SLC24A2: variants seen among roughly 807,000 people sequenced by gnomAD.
The protein encoded by SLC24A2 is sodium/potassium/calcium exchanger 2.
In SLC24A2, 36 loss-of-function variants were observed where a neutral mutation model predicts 62.0. The observed-to-expected ratio is 0.58, with a 90% CI of 0.44 to 0.77. The LOEUF (loss-of-function observed/expected upper bound fraction) is 0.77. Ranked by LOEUF, SLC24A2 falls within the 30% of genes least tolerant of loss-of-function variation. SLC24A2 has a pLI of 0.00. For synonymous variants in SLC24A2, 358 were observed against 294.0 expected (o/e 1.22, Z -2.23); for missense variants, 846 against 817.9 (o/e 1.03, Z -0.42).
chr9:19,801,376 C>T, the SLC24A2 span, among the ~76,000 whole-genome samples: 1 of 152,150 alleles, frequency 6.6e-6, no homozygotes, highest in African/African-American at 2.4e-5. Flanking sequence ...CAGCAGACAC[C>T]CTGCTGGATG....
chr9:20,118,371 C>T, the SLC24A2 span, among the ~76,000 whole-genome samples: 2 of 151,966 alleles, frequency 1.3e-5, no homozygotes, highest in Non-Finnish European at 1.5e-5. Context: ...TTTAATTCTG[C>T]TGAAATTCTA....
the SLC24A2 span, among the ~76,000 whole-genome samples, chr9:20,044,024 C>A: frequency 6.6e-6 from 1 of 152,182 alleles, no homozygotes; most frequent in African/African-American, 2.4e-5. Flanking sequence ...CCATCAGCAA[C>A]CACTACCCTG....
At chr9:19,531,098 C>G (rs1406343974) in intron 8 of SLC24A2, among the ~76,000 whole-genome samples, 9 of 152,184 alleles carry the variant, frequency 5.9e-5, no homozygotes. Context: ...AGCTGTATGG[C>G]CATCTGCCTC....
intron 5 of SLC24A2, among the ~76,000 whole-genome samples, chr9:19,577,820 T>TTA (rs1018476790): frequency 8.8e-5 from 13 of 147,860 alleles, no homozygotes; most frequent in African/African-American, 2.5e-4. Flanking sequence ...AAAGAAACTG[T>TTA]TATATATATA....
chr9:20,131,649 AT>A, the SLC24A2 span, among the ~76,000 whole-genome samples: 2 of 152,186 alleles, frequency 1.3e-5, no homozygotes, highest in Non-Finnish European at 2.9e-5. Flanking sequence ...GGGTTAATAA[AT>A]TGGAAAAGAA....
chr9:19,837,673 C>A, the SLC24A2 span, among the ~76,000 whole-genome samples: 3 of 151,914 alleles, frequency 2.0e-5, no homozygotes, highest in Non-Finnish European at 4.4e-5. Context: ...AAAACCCCAT[C>A]GTCTCAGCCA....
the SLC24A2 span, among the ~76,000 whole-genome samples, chr9:20,110,436 C>A: frequency 6.7e-6 from 1 of 150,342 alleles, no homozygotes; most frequent in Non-Finnish European, 1.5e-5. Context: ...CCAAAGTAGT[C>A]CAACTTCTTT....
At chr9:19,717,820 C>T (rs1820902048) in intron 2 of SLC24A2, among the ~76,000 whole-genome samples, 1 of 152,062 alleles carries the variant, frequency 6.6e-6, no homozygotes, top group Admixed American at 6.5e-5. Context: ...TAGGCTTTTC[C>T]ATTAAAGGGT....
At chr9:20,272,138 T>C in the SLC24A2 span, among the ~76,000 whole-genome samples, 1 of 152,230 alleles carries the variant, frequency 6.6e-6, no homozygotes, top group African/African-American at 2.4e-5. Flanking sequence ...AATGGCTGAC[T>C]TGCATAATTC....
At chr9:19,767,158 T>A (rs1822541446) in intron 2 of SLC24A2, among the ~76,000 whole-genome samples, 1 of 152,146 alleles carries the variant, frequency 6.6e-6, no homozygotes, top group Non-Finnish European at 1.5e-5. Flanking sequence ...CAAGCTCAAG[T>A]GTTCCAGGTC....
intron 2 of SLC24A2, among the ~76,000 whole-genome samples, chr9:19,755,894 T>C (rs537995282): frequency 4.8e-5 from 7 of 146,966 alleles, no homozygotes; most frequent in East Asian, 2.0e-4. Flanking sequence ...GTTTTAGCGA[T>C]GTAGCTCTCA....
intron 2 of SLC24A2, among the ~76,000 whole-genome samples, chr9:19,760,581 T>A (rs1369417521): frequency 2.6e-5 from 4 of 151,926 alleles, no homozygotes; most frequent in Admixed American, 6.6e-5. Context: ...ATGTTCTCAT[T>A]GTTCAACTCC....
chr9:20,267,146 T>TA, the SLC24A2 span, among the ~76,000 whole-genome samples: 1 of 152,100 alleles, frequency 6.6e-6, no homozygotes, highest in East Asian at 1.9e-4. Flanking sequence ...TCTGTGAAGA[T>TA]ACAAGTGTTC....
the SLC24A2 span, among the ~76,000 whole-genome samples, chr9:19,819,036 T>TAAACCC: frequency 0.8 from 120,941 of 151,328 alleles, 49,977 homozygotes; most frequent in Non-Finnish European, 0.92. Flanking sequence ...AATCCAGAAA[T>TAAACCC]AAACCCAGAT....
chr9:20,038,598 A>T, the SLC24A2 span, among the ~76,000 whole-genome samples: 1,634 of 134,344 alleles, frequency 0.012, 17 homozygotes, highest in Non-Finnish European at 0.018. Flanking sequence ...TTTCTACGAT[A>T]TTTTTTTTCA....
the SLC24A2 span, among the ~76,000 whole-genome samples, chr9:19,826,479 T>C: frequency 9.2e-5 from 14 of 152,116 alleles, no homozygotes; most frequent in African/African-American, 2.9e-4. Context: ...CAAGACTGGG[T>C]AATTTATAAA....
intron 8 of SLC24A2, among the ~76,000 whole-genome samples, chr9:19,542,989 T>C (rs1834352411): frequency 6.6e-6 from 1 of 152,212 alleles, no homozygotes; most frequent in Non-Finnish European, 1.5e-5. Context: ...TTCTATTGTT[T>C]GAAATGGTTT....
the SLC24A2 span, chr9:19,895,739 C>G: frequency 3.5e-6 from 5 of 1,447,342 alleles, no homozygotes; most frequent in African/African-American, 5.6e-5. Context: ...AGGCTGGAGT[C>G]AAGGGGCTGG....
chr9:19,838,770 A>T, the SLC24A2 span, among the ~76,000 whole-genome samples: 3 of 143,670 alleles, frequency 2.1e-5, no homozygotes, highest in Non-Finnish European at 4.6e-5. Context: ...TCCTAATTTA[A>T]AAAAAAAAAA....
Sources: allele counts gnomAD v4.1 joint callset (sites outside exome capture counted in the v4.1 genomes callset), GRCh38; gene constraint gnomAD v4.1.1; transcripts MANE v1.5; gene names NCBI Gene and HGNC (gene_info 2026-07-23, HGNC 2026-07-21).